USH2A: variants seen among roughly 807,000 people sequenced by gnomAD.
The protein encoded by USH2A is usherin.
In USH2A, 443 loss-of-function variants were observed where a neutral mutation model predicts 538.9. The ratio of observed to expected loss-of-function variants is 0.82; its 90% CI spans 0.76 to 0.89. The LOEUF is 0.89. Ranked by LOEUF, USH2A falls within the 40% of genes least tolerant of loss-of-function variation. The pLI, the probability that USH2A is intolerant of heterozygous loss-of-function variation, is 0.00. For synonymous variants in USH2A, 2,413 were observed against 2,273.5 expected, an observed-to-expected ratio of 1.06 and a Z score of -1.75; for missense variants, 6,633 against 6,324.8, an observed-to-expected ratio of 1.05 and a Z score of -1.65.
intron 61 of USH2A, among the ~76,000 whole-genome samples, chr1:215,717,832 T>C (rs17620843): frequency 0.32 from 49,287 of 152,056 alleles, 9,485 homozygotes; most frequent in Middle Eastern, 0.47. Context: ...TGATGTCCAG[T>C]GTAGGTAAAC....
At chr1:215,650,552 A>T (rs754363920) in intron 65 of USH2A, 40 bp downstream of exon 65, 1 of 1,610,966 alleles carries the variant, frequency 6.2e-7, no homozygotes, top group East Asian at 2.2e-5. Context: ...AATGATTTTT[A>T]AAAGTCAACC....
chr1:216,084,919 G>GA, intron 24 of USH2A, 42 bp from the exon 25 acceptor site: 1 of 1,591,220 alleles, frequency 6.3e-7, no homozygotes, highest in African/African-American at 1.3e-5. Flanking sequence ...TATTTTGAAA[G>GA]ATTATTTTCA....
intron 37 of USH2A, among the ~76,000 whole-genome samples, chr1:215,951,303 C>T (rs1020818866): frequency 1.7e-4 from 26 of 152,198 alleles, no homozygotes; most frequent in Non-Finnish European, 3.7e-4. Flanking sequence ...GCCTTCATTT[C>T]GTTATGTACC....
chr1:216,190,340 G>T lies in USH2A; in HGVS notation c.4279C>A (p.Leu1427Ile). Reference sequence around the variant, plus strand: ...TTCAGTCCTTCTACAGTGTAAGATAGTTCTTGGGATTTAGCAGTGTGCAAC... The same window carrying T: ...TTCAGTCCTTCTACAGTGTAAGATATTTCTTGGGATTTAGCAGTGTGCAAC... ...QLLHTAKSQE[L>I]SYTVEGLKPY... The change falls in exon 20 of 72, where the codon CTA becomes ATA. Residue 1427 changes from leucine (L) to isoleucine (I), a missense_variant. Coordinates refer to ENST00000307340, the MANE Select transcript of USH2A (RefSeq NM_206933.4). The T allele has an allele frequency of 6.2e-7, 1 of 1,612,102 alleles. No homozygotes were observed. Among genetic ancestry groups the T allele is most frequent in the Admixed American group, 1.7e-5 (1 of 59,822 alleles).
In USH2A at chr1:216,001,111, C is replaced by T. The variant is rs1411279925; in HGVS notation, c.6326-549G>A. On this transcript the variant is annotated intron_variant, in intron 32 of 71. Coordinates refer to ENST00000307340, the MANE Select transcript of USH2A (RefSeq NM_206933.4). The stretch of plus-strand genomic sequence containing the variant: ...GTCCCTAACACTCCTTGCTGTCACC[C>T]CAGCACAAGATGGAGCTATTAGCCT... Among the ~76,000 whole-genome samples, 5 of 152,110 alleles carry T rather than the reference C, an allele frequency of 3.3e-5. No homozygotes were observed. The South Asian group carries it at 1.0e-3, about 32-fold the overall frequency.
At chr1:215,924,894 G>A (rs575503317) in intron 38 of USH2A, among the ~76,000 whole-genome samples, 2 of 152,124 alleles carry the variant, frequency 1.3e-5, no homozygotes, top group East Asian at 3.9e-4. Context: ...CAAATATGGA[G>A]AGCTGGCAGC....
At chr1:216,228,815 C>T (rs913432532) in intron 14 of USH2A, among the ~76,000 whole-genome samples, 12 of 152,174 alleles carry the variant, frequency 7.9e-5, no homozygotes, top group African/African-American at 2.9e-4. Context: ...TCACCACCCC[C>T]ATCAATATAA....
rs7518002 is a variant in USH2A at position 216,407,615 on chromosome 1, A to T, written c.651+10899T>A. Among the ~76,000 whole-genome samples, 259 of 152,266 alleles carry T rather than the reference A, an allele frequency of 1.7e-3. 2 individuals carry two copies. The highest frequency in any genetic ancestry group is 5.9e-3 in the African/African-American group (247 of 41,570). ...TAAATAAAGTCATAATCTCCATTCC[A>T]CTACTGAGTGATACATTCCATAGAC... is the stretch of plus-strand genomic sequence containing the variant. On this transcript the variant is annotated intron_variant, in intron 3 of 71. Coordinates refer to ENST00000307340, the MANE Select transcript of USH2A (RefSeq NM_206933.4).
intron 38 of USH2A, among the ~76,000 whole-genome samples, chr1:215,912,764 C>T (rs1665845414): frequency 6.6e-6 from 1 of 151,934 alleles, no homozygotes; most frequent in African/African-American, 2.4e-5. Flanking sequence ...AGGTAATAAG[C>T]TTAGTACCCA....
rs749482634 is a variant in USH2A, at chr1:215,817,167, G to A, written c.9400C>T (p.Arg3134Trp). 1.1e-5 allele frequency: 18 copies of A among 1,612,120 alleles called. No individual in the cohort carries two copies. Among genetic ancestry groups the A allele is most frequent in the Middle Eastern group, 1.6e-4 (1 of 6,066 alleles). The change falls in exon 48 of 72, where the codon CGG becomes TGG. Residue 3134 changes from arginine to tryptophan, a missense_variant. Coordinates refer to ENST00000307340, the MANE Select transcript of USH2A (RefSeq NM_206933.4). ...CCAAGAATGATGCCATTTGGCTTCC[G>A]TGGAGACACCCAATCAATTTGAAGA... ...RSLQIDWVSP[R>W]KPNGIILGYD...
chr1:215,789,291 T>C (rs192902417), intron 51 of USH2A, among the ~76,000 whole-genome samples: 169 of 152,308 alleles, frequency 1.1e-3, no homozygotes, highest in Non-Finnish European at 4.6e-4. Flanking sequence ...GTGTACAAAG[T>C]GTATGTGGTC....
chr1:215,879,549 G>A (rs1571774602), intron 41 of USH2A, among the ~76,000 whole-genome samples: 1 of 152,250 alleles, frequency 6.6e-6, no homozygotes. Flanking sequence ...ACTTTTTCTT[G>A]GAGGAAGGGA....
chr1:216,038,286 G>T (rs2102517610), intron 32 of USH2A, among the ~76,000 whole-genome samples: 1 of 152,044 alleles, frequency 6.6e-6, no homozygotes, highest in South Asian at 2.1e-4. Context: ...CCAGAAATTT[G>T]ATATTTGTCC....
intron 15 of USH2A, among the ~76,000 whole-genome samples, chr1:216,213,231 A>G (rs2035279336): frequency 6.6e-6 from 1 of 152,120 alleles, no homozygotes; most frequent in Admixed American, 6.6e-5. Flanking sequence ...TACTAGCTCT[A>G]GTAGCTTTCT....
intron 38 of USH2A, among the ~76,000 whole-genome samples, chr1:215,906,947 C>A (rs982490505): frequency 1.3e-5 from 2 of 152,018 alleles, no homozygotes; most frequent in Non-Finnish European, 2.9e-5. Flanking sequence ...TTTATCCTCT[C>A]ACCAAATAAG....
At chr1:215,838,837 C>T (rs1280659850) in intron 46 of USH2A, among the ~76,000 whole-genome samples, 3 of 152,150 alleles carry the variant, frequency 2.0e-5, no homozygotes, top group Non-Finnish European at 1.5e-5. Flanking sequence ...TATCATTCTG[C>T]TCTCAATTAA....
chr1:215,668,717 G>C (rs1657708931), intron 64 of USH2A, among the ~76,000 whole-genome samples: 2 of 152,138 alleles, frequency 1.3e-5, no homozygotes, highest in Non-Finnish European at 2.9e-5. Flanking sequence ...GCACATGCTT[G>C]GAGCTTTCCA....
intron 38 of USH2A, among the ~76,000 whole-genome samples, chr1:215,923,378 C>A (rs1357850235): frequency 6.6e-6 from 1 of 152,128 alleles, no homozygotes; most frequent in Non-Finnish European, 1.5e-5. Flanking sequence ...ACTCTGCTTT[C>A]TTCCTTGCTG....
chr1:216,236,942 A>G (rs1248619463), intron 13 of USH2A, among the ~76,000 whole-genome samples: 1 of 152,216 alleles, frequency 6.6e-6, no homozygotes, highest in African/African-American at 2.4e-5. Flanking sequence ...TCTAAGAATC[A>G]AATCCAATAA....
Sources: gnomAD v4.1 joint callset for allele counts (sites outside exome capture counted in the v4.1 genomes callset) on GRCh38, gnomAD v4.1.1 for gene constraint, MANE v1.5 for transcripts, NCBI Gene and HGNC (gene_info 2026-07-23, HGNC 2026-07-21) for gene names.